Variants in RNF212 observed in about 807,000 individuals in gnomAD.
RNF212 encodes probable E3 SUMO-protein ligase RNF212.
RNF212 carries 33 observed loss-of-function variants against 34.7 expected under a neutral mutation model. That is an observed-to-expected ratio of 0.95 (90% CI 0.72 to 1.27). The LOEUF is 1.27. Ranked by LOEUF, RNF212 falls within the 50% of genes most tolerant of loss-of-function variation. The pLI is 0.00. For missense variants in RNF212, 377 were observed against 362.2 expected (o/e 1.04, Z -0.33); for synonymous variants, 140 against 136.1 (o/e 1.03, Z -0.20).
chr4:1,107,746 G>A (rs1409668244), intron 2 of RNF212, among the ~76,000 whole-genome samples: 6 of 152,122 alleles, frequency 3.9e-5, no homozygotes, highest in African/African-American at 9.7e-5. Flanking sequence ...CATCACGCCC[G>A]GCAGGACTTA....
intron 3 of RNF212, 139 bp downstream of exon 3, chr4:1,096,626 G>A (rs1384012885): frequency 2.9e-6 from 2 of 689,184 alleles, no homozygotes; most frequent in Non-Finnish European, 5.2e-6. Flanking sequence ...ACAGAACCAA[G>A]CACACCCCTC....
intron 1 of RNF212, 145 bp from the exon 2 acceptor site, chr4:1,108,549 G>C: frequency 2.2e-6 from 1 of 447,910 alleles, no homozygotes; most frequent in East Asian, 3.6e-5. Context: ...TGAGGCTGTG[G>C]GTACTGGTAC....
rs536364456 is a variant in RNF212, at chr4:1,104,743, T to G, written c.171+3600A>C. Among the ~76,000 whole-genome samples the G allele has an allele frequency of 1.1e-4, 17 of 152,274 alleles. 1 individual carries two copies. The South Asian group carries it at 2.9e-3, about 26-fold the overall frequency. On this transcript the variant is annotated intron_variant, in intron 2 of 9. Coordinates refer to ENST00000433731, the MANE Select transcript of RNF212 (RefSeq NM_001131034.4). ...GCCCAGCTCAGATGCTGGGGCAGCA[T>G]GTGGCCCCTTCCCTCGGGTCCCGAT...
In RNF212 at chr4:1,083,253, TA is replaced by T. The variant is rs1172588022; in HGVS notation, c.363-1635del. Among the ~76,000 whole-genome samples the T allele has an allele frequency of 3.9e-5, 6 of 152,260 alleles. No individual in the cohort carries two copies. The East Asian group carries it at 1.2e-3, about 29-fold the overall frequency. On this transcript the variant is annotated intron_variant, in intron 5 of 9. Transcript: ENST00000433731. ...AAAGGCTGCCTGTGAAATGACTACATAAAAGACGAAGATGCAACAATGAGCA... is the reference window on the plus strand; with the variant it reads ...AAAGGCTGCCTGTGAAATGACTACATAAAGACGAAGATGCAACAATGAGCA...
At chr4:1,069,390 G>A (rs1489714702), downstream of RNF212, among the ~76,000 whole-genome samples, 1 of 152,136 alleles carries the variant, frequency 6.6e-6, no homozygotes, top group African/African-American at 2.4e-5. Flanking sequence ...TTGTTGGGGG[G>A]TGAGGCCGGA....
chr4:1,069,714 T>C (rs75170483), downstream of RNF212, among the ~76,000 whole-genome samples: 2 of 152,346 alleles, frequency 1.3e-5, no homozygotes, highest in African/African-American at 4.8e-5. Flanking sequence ...CAATAGAGGA[T>C]GGTCTGGTCT....
downstream of RNF212, among the ~76,000 whole-genome samples, chr4:1,070,958 TTTG>T (rs1237278080): frequency 6.6e-6 from 1 of 151,804 alleles, no homozygotes; most frequent in Non-Finnish European, 1.5e-5. Context: ...AAAAAACTAA[TTTG>T]TTTTTTTAAA....
At position 1,058,777 on chromosome 4, in the gene RNF212, C is replaced by T. The variant is rs534482239; in HGVS notation, n.148-384G>A. On this transcript the variant is annotated intron_variant and non_coding_transcript_variant, in intron 3 of 4. Transcript: ENST00000503206. ...CAGCCTCACTGAGGGGCCCTCGGCCCGTGGGCTCTGCGAGGGGAGCCTGCC... is the reference window on the plus strand; with the variant it reads ...CAGCCTCACTGAGGGGCCCTCGGCCTGTGGGCTCTGCGAGGGGAGCCTGCC... Among the ~76,000 whole-genome samples, 152 of 152,288 alleles carry T rather than the reference C, an allele frequency of 1.0e-3. 1 individual carries two copies. The highest frequency in any genetic ancestry group is 7.7e-4 in the East Asian group (4 of 5,188).
At chr4:1,106,445 G>A (rs928807090) in intron 2 of RNF212, among the ~76,000 whole-genome samples, 2 of 152,200 alleles carry the variant, frequency 1.3e-5, no homozygotes, top group African/African-American at 2.4e-5. Flanking sequence ...AAAAATTAAC[G>A]ATGAAAATGA....
rs752161891 is a variant in RNF212 at position 1,090,848 on chromosome 4, TC to T, written c.247-11del. 121 of 1,569,374 alleles carry T rather than the reference TC, an allele frequency of 7.7e-5. No homozygotes were observed. In the South Asian group the frequency reaches 1.1e-3, roughly 15 times the overall value. Reference sequence around the variant, plus strand: ...CTTGAAATTCTAAAATCTGAAAAGATCATAGGTTTCAGCTGCTGACACAGAT... The same window carrying T: ...CTTGAAATTCTAAAATCTGAAAAGATATAGGTTTCAGCTGCTGACACAGAT... On this transcript the variant is annotated splice_polypyrimidine_tract_variant and intron_variant, in intron 3 of 9. Coordinates refer to ENST00000433731, the MANE Select transcript of RNF212 (RefSeq NM_001131034.4).
At chr4:1,075,713 G>A (rs999358847) in intron 8 of RNF212, among the ~76,000 whole-genome samples, 5 of 152,158 alleles carry the variant, frequency 3.3e-5, no homozygotes, top group African/African-American at 7.2e-5. Flanking sequence ...TTTCACTGTC[G>A]TCCAGGCTGG....
chr4:1,090,847 A>G lies in RNF212; in HGVS notation c.247-9T>C. On this transcript the variant is annotated splice_polypyrimidine_tract_variant and intron_variant, in intron 3 of 9. Transcript: ENST00000433731. ...TCTTGAAATTCTAAAATCTGAAAAG[A>G]TCATAGGTTTCAGCTGCTGACACAG... 6.4e-7 allele frequency: 1 copy of G among 1,572,850 alleles called. No homozygotes were observed. Among genetic ancestry groups the G allele is most frequent in the Non-Finnish European group, 8.7e-7 (1 of 1,143,498 alleles).
At chr4:1,106,153 A>G (rs1407452995) in intron 2 of RNF212, among the ~76,000 whole-genome samples, 1 of 152,140 alleles carries the variant, frequency 6.6e-6, no homozygotes, top group Non-Finnish European at 1.5e-5. Flanking sequence ...GAAGACCAGC[A>G]TTCGGAAGAC....
At chr4:1,096,712 G>A (rs1003431005) in intron 3 of RNF212, 53 bp downstream of exon 3, 24 of 1,189,028 alleles carry the variant, frequency 2.0e-5, no homozygotes, top group Middle Eastern at 1.9e-4. Context: ...CCATGGTCTC[G>A]GGATAGTGCA....
chr4:1,081,895 C>G (rs536455859), intron 5 of RNF212: 13 of 427,268 alleles, frequency 3.0e-5, no homozygotes, highest in African/African-American at 2.6e-4. Flanking sequence ...ATGGCCACTG[C>G]GGGTGTTAAA....
intron 1 of RNF212, among the ~76,000 whole-genome samples, chr4:1,112,082 C>A (rs969502983): frequency 1.3e-5 from 2 of 152,328 alleles, no homozygotes; most frequent in East Asian, 3.9e-4. Context: ...GCTGCACATG[C>A]CTGTAGCCCC....
chr4:1,075,623 G>C (rs1719170865), intron 8 of RNF212, among the ~76,000 whole-genome samples: 1 of 152,252 alleles, frequency 6.6e-6, no homozygotes, highest in South Asian at 2.1e-4. Flanking sequence ...TTCCACATGA[G>C]ATTCGGGCAG....
chr4:1,080,506 C>T (rs1371585345), intron 7 of RNF212, among the ~76,000 whole-genome samples: 1 of 152,160 alleles, frequency 6.6e-6, no homozygotes, highest in African/African-American at 2.4e-5. Context: ...ACTTGGCTGG[C>T]CCCGCTGACC....
At chr4:1,105,139 T>A (rs544943868) in intron 2 of RNF212, among the ~76,000 whole-genome samples, 1 of 152,236 alleles carries the variant, frequency 6.6e-6, no homozygotes, top group Non-Finnish European at 1.5e-5. Context: ...GCAACTGGCG[T>A]GTCCATGACT....
Sources: allele counts gnomAD v4.1 joint callset (sites outside exome capture counted in the v4.1 genomes callset), GRCh38; gene constraint gnomAD v4.1.1; transcripts MANE v1.5; gene names NCBI Gene and HGNC (gene_info 2026-07-23, HGNC 2026-07-21).